CNTN4: variants seen among roughly 807,000 people sequenced by gnomAD.
The protein encoded by CNTN4 is contactin-4.
A neutral mutation model predicts 122.5 loss-of-function variants in CNTN4; 77 were observed. The ratio of observed to expected loss-of-function variants is 0.63; its 90% confidence interval spans 0.52 to 0.76. The LOEUF is 0.76. Ranked by LOEUF, CNTN4 falls within the 30% of genes least tolerant of loss-of-function variation. The probability of loss-of-function intolerance (pLI) is 0.00; values close to 1 mark genes in which losing one functional copy is unlikely to be tolerated. For missense variants in CNTN4, 1,256 were observed against 1,259.1 expected (o/e 1.00, Z 0.04); for synonymous variants, 512 against 447.0 (o/e 1.15, Z -1.83).
chr3:2,348,721 C>T (rs1044942133), intron 3 of CNTN4, among the ~76,000 whole-genome samples: 2 of 152,102 alleles, frequency 1.3e-5, no homozygotes, highest in Admixed American at 1.3e-4. Flanking sequence ...CATCAGCTTC[C>T]TAGCCTATAA....
chr3:2,220,454 T>A (rs2149487069), intron 2 of CNTN4, among the ~76,000 whole-genome samples: 1 of 152,284 alleles, frequency 6.6e-6, no homozygotes, highest in African/African-American at 2.4e-5. Context: ...AAGGTATTGA[T>A]TCCATTGAAT....
intron 2 of CNTN4, among the ~76,000 whole-genome samples, chr3:2,259,467 G>C (rs892143134): frequency 6.6e-6 from 1 of 152,112 alleles, no homozygotes. Flanking sequence ...CCGTTTTCAC[G>C]CTGCTGATAA....
chr3:2,250,889 A>G (rs959606970), intron 2 of CNTN4, among the ~76,000 whole-genome samples: 20 of 151,992 alleles, frequency 1.3e-4, no homozygotes, highest in African/African-American at 4.6e-4. Context: ...ATTTTGCTCT[A>G]GTTCTAGTTA....
intron 23 of CNTN4, among the ~76,000 whole-genome samples, chr3:3,044,837 G>T (rs898968213): frequency 6.6e-6 from 1 of 152,196 alleles, no homozygotes; most frequent in African/African-American, 2.4e-5. Context: ...AAGGGCAAAG[G>T]GTCAAGGAAT....
chr3:2,509,554 C>T (rs2076825816), intron 3 of CNTN4, among the ~76,000 whole-genome samples: 1 of 152,116 alleles, frequency 6.6e-6, no homozygotes, highest in African/African-American at 2.4e-5. Context: ...GGGCATGGAT[C>T]TGTTTTGGGG....
At chr3:2,934,977 G>T in intron 13 of CNTN4, among the ~76,000 whole-genome samples, 1 of 83,570 alleles carries the variant, frequency 1.2e-5, no homozygotes, top group Middle Eastern at 6.7e-3. Context: ...CTAGAGCCAT[G>T]GATAAAATAG....
intron 4 of CNTN4, among the ~76,000 whole-genome samples, chr3:2,612,979 G>C (rs964789721): frequency 6.6e-6 from 1 of 152,110 alleles, no homozygotes; most frequent in Non-Finnish European, 1.5e-5. Context: ...GCATCTTAGG[G>C]TGCTGCATGT....
chr3:2,702,173 A>T (rs1445141254), intron 4 of CNTN4, among the ~76,000 whole-genome samples: 2 of 152,194 alleles, frequency 1.3e-5, no homozygotes, highest in Non-Finnish European at 2.9e-5. Flanking sequence ...AAGATGTGCC[A>T]GTGGCCACCC....
Position 2,596,959 on chromosome 3 carries a change from A to AT in CNTN4, c.55+25411dup, listed in dbSNP as rs1197222298. Among the ~76,000 whole-genome samples the AT allele has an allele frequency of 6.3e-3, 947 of 149,840 alleles. 4 individuals carry two copies. Among genetic ancestry groups the AT allele is most frequent in the African/African-American group, 0.021 (877 of 40,908 alleles). Reference sequence around the variant, plus strand: ...ATATTAAGTAAAAACATCCCTGGTCATTTTTTTTTTAAATTTGAGTTTCTC... The same window carrying AT: ...ATATTAAGTAAAAACATCCCTGGTCATTTTTTTTTTTAAATTTGAGTTTCTC... On this transcript the variant is annotated intron_variant, in intron 4 of 24. Transcript: ENST00000418658.
At chr3:2,623,979 C>T (rs1285539602) in intron 4 of CNTN4, among the ~76,000 whole-genome samples, 1 of 152,120 alleles carries the variant, frequency 6.6e-6, no homozygotes, top group African/African-American at 2.4e-5. Flanking sequence ...ATGAGATAAT[C>T]ATGGAATTTT....
intron 3 of CNTN4, among the ~76,000 whole-genome samples, chr3:2,438,538 A>G (rs1413662598): frequency 6.6e-6 from 1 of 152,188 alleles, no homozygotes; most frequent in East Asian, 1.9e-4. Context: ...ACCCCCCCAA[A>G]AAAAACCTGT....
intron 8 of CNTN4, among the ~76,000 whole-genome samples, chr3:2,875,887 A>C (rs1369053078): frequency 6.6e-6 from 1 of 152,210 alleles, no homozygotes; most frequent in African/African-American, 2.4e-5. Flanking sequence ...CATTATAACT[A>C]ATTGCCCAAA....
intron 13 of CNTN4, among the ~76,000 whole-genome samples, chr3:2,972,574 T>C (rs1330870700): frequency 6.6e-6 from 1 of 152,200 alleles, no homozygotes; most frequent in Non-Finnish European, 1.5e-5. Context: ...CACATTTTGT[T>C]TGTTGCTCGA....
intron 2 of CNTN4, among the ~76,000 whole-genome samples, chr3:2,244,376 G>A (rs1153514): frequency 0.1 from 15,909 of 152,066 alleles, 1,167 homozygotes; most frequent in African/African-American, 0.21. Context: ...TGTATGTGTT[G>A]TAGAGCTGTG....
chr3:3,026,315 G>T, intron 15 of CNTN4, 38 bp downstream of exon 15: 1 of 1,535,038 alleles, frequency 6.5e-7, no homozygotes. Flanking sequence ...AAACTAACTT[G>T]TTTAGACCAA....
intron 3 of CNTN4, among the ~76,000 whole-genome samples, chr3:2,468,906 T>G (rs1373051132): frequency 6.6e-6 from 1 of 152,194 alleles, no homozygotes; most frequent in African/African-American, 2.4e-5. Context: ...CCAGAAATCC[T>G]CTTCCATGTA....
At chr3:2,559,400 A>T (rs1199559539) in intron 3 of CNTN4, among the ~76,000 whole-genome samples, 2 of 152,154 alleles carry the variant, frequency 1.3e-5, no homozygotes, top group Non-Finnish European at 2.9e-5. Flanking sequence ...AGAGGGAAGT[A>T]GGTAGGGAAA....
At position 2,842,503 on chromosome 3, in the gene CNTN4, C is replaced by T. The variant is rs529583952; in HGVS notation, c.454+22922C>T. On this transcript the variant is annotated intron_variant, in intron 7 of 24. Coordinates refer to ENST00000418658, the MANE Select transcript of CNTN4 (RefSeq NM_175607.3). Reference sequence around the variant, plus strand: ...TACCTGCATCGGAACAATGTGGCAACATCTCCTGCTTTAAACTAGTAAGAA... The same window carrying T: ...TACCTGCATCGGAACAATGTGGCAATATCTCCTGCTTTAAACTAGTAAGAA... Among the ~76,000 whole-genome samples the T allele has an allele frequency of 1.5e-3, 216 of 144,954 alleles. 1 individual carries two copies. The highest frequency in any genetic ancestry group is 3.6e-3 in the Admixed American group (53 of 14,604).
At chr3:2,108,188 A>T (rs1403231771) in intron 2 of CNTN4, among the ~76,000 whole-genome samples, 6 of 125,544 alleles carry the variant, frequency 4.8e-5, no homozygotes, top group Admixed American at 1.8e-4. Context: ...TTTTTTCATG[A>T]CTGTTTACAT....
Sources: allele counts gnomAD v4.1 joint callset (sites outside exome capture counted in the v4.1 genomes callset), GRCh38; gene constraint gnomAD v4.1.1; transcripts MANE v1.5; gene names NCBI Gene and HGNC (gene_info 2026-07-23, HGNC 2026-07-21).